TSHZ2: variants seen among roughly 807,000 people sequenced by gnomAD.
TSHZ2 encodes the protein teashirt homolog 2.
A neutral mutation model predicts 74.4 loss-of-function variants in TSHZ2; 21 were observed. The ratio of observed to expected loss-of-function variants is 0.28; its 90% confidence interval spans 0.20 to 0.41. TSHZ2 has a LOEUF of 0.41. TSHZ2 is among the 10% of genes least tolerant of loss of function. The probability of loss-of-function intolerance (pLI) is 1.00; values close to 1 mark genes in which losing one functional copy is unlikely to be tolerated. For missense variants in TSHZ2, 1,244 were observed against 1,293.5 expected, an observed-to-expected ratio of 0.96 and a Z score of 0.59; for synonymous variants, 540 against 515.3, an observed-to-expected ratio of 1.05 and a Z score of -0.65.
At chr20:53,159,270 C>T (rs1454719106) in intron 1 of TSHZ2, among the ~76,000 whole-genome samples, 2 of 152,330 alleles carry the variant, frequency 1.3e-5, no homozygotes, top group Middle Eastern at 6.8e-3. Context: ...TTTTCCTCAT[C>T]CTCTATAGTG....
intron 1 of TSHZ2, among the ~76,000 whole-genome samples, chr20:53,225,601 A>C (rs1482961997): frequency 6.6e-6 from 1 of 152,240 alleles, no homozygotes; most frequent in Non-Finnish European, 1.5e-5. Flanking sequence ...TCATTTAATC[A>C]TTCAAATCTT....
chr20:53,469,043 TTTTATATA>T (rs1210339104), intron 2 of TSHZ2, among the ~76,000 whole-genome samples: 5 of 13,694 alleles, frequency 3.7e-4, no homozygotes, highest in African/African-American at 8.2e-4. Context: ...GAAATCGATA[TTTTATATA>T]TATATATATA....
At chr20:53,277,465 A>T (rs867826338) in intron 2 of TSHZ2, among the ~76,000 whole-genome samples, 4 of 151,964 alleles carry the variant, frequency 2.6e-5, no homozygotes, top group African/African-American at 7.3e-5. Context: ...AACAGGAAAA[A>T]AAAAAACAAG....
chr20:53,050,258 G>T (rs1984413821), intron 1 of TSHZ2, among the ~76,000 whole-genome samples: 1 of 150,050 alleles, frequency 6.7e-6, no homozygotes, highest in Admixed American at 6.7e-5. Context: ...TTTTGTGATT[G>T]GTATATTTAG....
intron 1 of TSHZ2, among the ~76,000 whole-genome samples, chr20:53,010,541 G>A (rs555540851): frequency 6.6e-6 from 1 of 152,148 alleles, no homozygotes; most frequent in African/African-American, 2.4e-5. Context: ...TTAGGAAGGA[G>A]GTCAGTTGGT....
chr20:53,394,372 T>C (rs1308278876), intron 2 of TSHZ2, among the ~76,000 whole-genome samples: 1 of 151,072 alleles, frequency 6.6e-6, no homozygotes, highest in Non-Finnish European at 1.5e-5. Flanking sequence ...ATTATTTTTA[T>C]GTGTACTATT....
intron 1 of TSHZ2, among the ~76,000 whole-genome samples, chr20:53,163,562 C>T (rs888148371): frequency 4.0e-5 from 6 of 151,792 alleles, no homozygotes; most frequent in South Asian, 2.1e-4. Flanking sequence ...ACTAATGTGT[C>T]ATCTAGCATT....
chr20:53,353,490 G>C (rs1241766870), intron 2 of TSHZ2, among the ~76,000 whole-genome samples: 1 of 152,000 alleles, frequency 6.6e-6, no homozygotes, highest in Non-Finnish European at 1.5e-5. Flanking sequence ...TGTCATTCCC[G>C]TGCCATTAAG....
In TSHZ2 at chr20:53,493,613, A is replaced by C. The variant is rs1986504839; in HGVS notation, c.*6478A>C. 6.6e-6 allele frequency: 1 copy of C among 152,212 alleles called. No homozygotes were observed. Among genetic ancestry groups the C allele is most frequent in the South Asian group, 2.1e-4 (1 of 4,832 alleles). The allele number at this position is 152,212 out of a possible 1,614,324, so 9.4% of individuals were successfully genotyped here. On this transcript the variant is annotated 3_prime_UTR_variant, in exon 3 of 3. Coordinates refer to ENST00000371497, the MANE Select transcript of TSHZ2 (RefSeq NM_173485.6). ...AATGGGGCCCCAGGCCATTCCTGAC[A>C]TCGGCGTGTTCTTCTTCTGCATTAA...
intron 2 of TSHZ2, among the ~76,000 whole-genome samples, chr20:53,405,308 G>A (rs766362137): frequency 2.0e-5 from 3 of 151,840 alleles, no homozygotes; most frequent in Non-Finnish European, 4.4e-5. Context: ...ACTTGAAGTA[G>A]TATCTAAGAA....
intron 2 of TSHZ2, among the ~76,000 whole-genome samples, chr20:53,284,093 T>C (rs924924385): frequency 6.6e-6 from 1 of 152,230 alleles, no homozygotes; most frequent in Non-Finnish European, 1.5e-5. Flanking sequence ...TTTCTTCCTC[T>C]TCTTCCACTT....
In TSHZ2 at chr20:52,973,116, T is replaced by G; in HGVS notation, c.-178T>G. 2.9e-6 allele frequency: 2 copies of G among 693,368 alleles called. No homozygotes were observed. The highest frequency in any genetic ancestry group is 2.3e-6 in the Non-Finnish European group (1 of 430,876). The allele number at this position is 693,368 out of a possible 1,614,324, so 43.0% of individuals were successfully genotyped here. On this transcript the variant is annotated 5_prime_UTR_variant, in exon 1 of 3. Transcript: ENST00000371497. ...CGTGTCTGCCACCCAGAGAGGGGGGTCTCTGGCCCGTGGTGGAGGAGTTGC... is the reference window on the plus strand; with the variant it reads ...CGTGTCTGCCACCCAGAGAGGGGGGGCTCTGGCCCGTGGTGGAGGAGTTGC...
intron 2 of TSHZ2, among the ~76,000 whole-genome samples, chr20:53,332,016 G>A (rs569853381): frequency 4.7e-4 from 72 of 152,120 alleles, no homozygotes; most frequent in Non-Finnish European, 7.8e-4. Context: ...CCTCCTCTGG[G>A]GTCCCATTCA....
chr20:53,229,827 G>A (rs1312228482), intron 1 of TSHZ2, among the ~76,000 whole-genome samples: 5 of 145,616 alleles, frequency 3.4e-5, no homozygotes, highest in Non-Finnish European at 7.5e-5. Flanking sequence ...AAAAGAGGGA[G>A]GAAGAGAAAG....
chr20:53,191,567 G>A (rs1017791100), intron 1 of TSHZ2, among the ~76,000 whole-genome samples: 11 of 152,260 alleles, frequency 7.2e-5, no homozygotes, highest in African/African-American at 2.7e-4. Context: ...GGATGCTGAA[G>A]TGGGAGAATC....
At chr20:53,321,607 C>T (rs1054637455) in intron 2 of TSHZ2, among the ~76,000 whole-genome samples, 4 of 141,300 alleles carry the variant, frequency 2.8e-5, no homozygotes, top group African/African-American at 1.1e-4. Context: ...TCACTTGAAC[C>T]CGGGAGGCGG....
At chr20:53,184,466 T>C (rs1344209550) in intron 1 of TSHZ2, among the ~76,000 whole-genome samples, 1 of 152,140 alleles carries the variant, frequency 6.6e-6, no homozygotes, top group Non-Finnish European at 1.5e-5. Flanking sequence ...TTTTTTAAAA[T>C]GACAGAAGCA....
At chr20:52,992,927 T>C (rs982092423) in intron 1 of TSHZ2, among the ~76,000 whole-genome samples, 1 of 152,228 alleles carries the variant, frequency 6.6e-6, no homozygotes, top group Admixed American at 6.5e-5. Context: ...TTCTGTATTA[T>C]CATCTCAGGA....
intron 2 of TSHZ2, among the ~76,000 whole-genome samples, chr20:53,296,021 G>T: frequency 7.0e-6 from 1 of 142,388 alleles, no homozygotes; most frequent in African/African-American, 2.7e-5. Flanking sequence ...TACTATCCAG[G>T]TCTGTAATGA....
Sources: allele counts gnomAD v4.1 joint callset (sites outside exome capture counted in the v4.1 genomes callset), GRCh38; gene constraint gnomAD v4.1.1; transcripts MANE v1.5; gene names NCBI Gene and HGNC (gene_info 2026-07-23, HGNC 2026-07-21).